The following PARD6B variants were observed in gnomAD, a reference collection of about 807,000 sequenced individuals.
PARD6B encodes the protein partitioning defective 6 homolog beta.
In PARD6B, 4 loss-of-function variants were observed where a neutral mutation model predicts 10.5. That is an observed-to-expected ratio of 0.38 (90% CI 0.19 to 0.87). The LOEUF (loss-of-function observed/expected upper bound fraction) is 0.87. Among genes scored for constraint, PARD6B ranks in the 40% least tolerant of loss-of-function variants. The pLI, the probability that PARD6B is intolerant of heterozygous loss-of-function variation, is 0.41. For missense variants in PARD6B, 396 were observed against 470.6 expected (o/e 0.84, Z 1.47); for synonymous variants, 169 against 170.4 (o/e 0.99, Z 0.07).
At position 50,752,267 on chromosome 20, in the gene PARD6B, G is replaced by T; in HGVS notation, c.*1779G>T. On this transcript the variant is annotated 3_prime_UTR_variant, in exon 3 of 3. Transcript: ENST00000371610. Reference sequence around the variant, plus strand: ...ATGCATCCAAGTATGCATCATTTTGGATAAAAAATACATCCAAATTAAGAT... The same window carrying T: ...ATGCATCCAAGTATGCATCATTTTGTATAAAAAATACATCCAAATTAAGAT... 1 of 984,566 alleles carries T rather than the reference G, an allele frequency of 1.0e-6. No homozygotes were observed. Among genetic ancestry groups the T allele is most frequent in the Non-Finnish European group, 1.2e-6 (1 of 829,732 alleles). 61.0% of individuals were successfully genotyped at this position (984,566 alleles called of 1,614,324 possible). A position where few individuals can be genotyped will look rare whatever the true frequency, so the allele number is the denominator to read the frequency against.
At chr20:50,738,166 C>G in intron 2 of PARD6B, 87 bp downstream of exon 2, 1 of 896,426 alleles carries the variant, frequency 1.1e-6, no homozygotes, top group Non-Finnish European at 1.6e-6. Flanking sequence ...TTGCCACAAA[C>G]TTAGTGAATA....
chr20:50,749,246 G>A (rs1029202724), intron 2 of PARD6B, among the ~76,000 whole-genome samples: 1 of 151,994 alleles, frequency 6.6e-6, no homozygotes, highest in Non-Finnish European at 1.5e-5. Flanking sequence ...GGGAGGGTGA[G>A]GCAGGAGAAT....
chr20:50,751,289 T>G lies in PARD6B; in HGVS notation c.*801T>G. 1.0e-6 allele frequency: 1 copy of G among 966,232 alleles called. No homozygotes were observed. The highest frequency in any genetic ancestry group is 1.2e-6 in the Non-Finnish European group (1 of 813,000). The allele number at this position is 966,232 out of a possible 1,614,324, so 59.9% of individuals were successfully genotyped here. A position where few individuals can be genotyped will look rare whatever the true frequency, so the allele number is the denominator to read the frequency against. On this transcript the variant is annotated 3_prime_UTR_variant, in exon 3 of 3. Transcript: ENST00000371610. Reference sequence around the variant, plus strand: ...TTGATTTTTGTTTTTTTATGTTCCTTTCTAATAAATTGTAACAAATGATGT... The same window carrying G: ...TTGATTTTTGTTTTTTTATGTTCCTGTCTAATAAATTGTAACAAATGATGT...
At chr20:50,741,219 G>T (rs555955240) in intron 2 of PARD6B, among the ~76,000 whole-genome samples, 1 of 151,838 alleles carries the variant, frequency 6.6e-6, no homozygotes. Flanking sequence ...TCTTGGCCTC[G>T]AAGTGTTCTG....
intron 1 of PARD6B, among the ~76,000 whole-genome samples, chr20:50,734,401 C>A (rs114206950): frequency 0.021 from 3,217 of 152,040 alleles, 114 homozygotes; most frequent in African/African-American, 0.073. Context: ...GGCTGGAGTA[C>A]AATGGCACGA....
At chr20:50,743,802 T>C (rs945853852) in intron 2 of PARD6B, among the ~76,000 whole-genome samples, 2 of 147,424 alleles carry the variant, frequency 1.4e-5, no homozygotes, top group African/African-American at 2.5e-5. Flanking sequence ...GGCAGGAGAA[T>C]GGCATGAACC....
At chr20:50,743,963 G>A (rs2087546453) in intron 2 of PARD6B, among the ~76,000 whole-genome samples, 1 of 151,766 alleles carries the variant, frequency 6.6e-6, no homozygotes, top group Non-Finnish European at 1.5e-5. Context: ...AGAAACGTGG[G>A]TGTCACCTTT....
rs1792225339 is a variant in PARD6B at position 50,751,838 on chromosome 20, A to T, written c.*1350A>T. The T allele has an allele frequency of 1.1e-6, 1 of 889,822 alleles. No individual in the cohort carries two copies. Among genetic ancestry groups the T allele is most frequent in the Non-Finnish European group, 1.3e-6 (1 of 744,508 alleles). 55.1% of individuals were successfully genotyped at this position (889,822 alleles called of 1,614,324 possible). ...TGCCTCAGCCTTCTGAGTAGCTAAG[A>T]TTACAGGTGTGCGCCAACACGTCTG... On this transcript the variant is annotated 3_prime_UTR_variant, in exon 3 of 3. Coordinates refer to ENST00000371610, the MANE Select transcript of PARD6B (RefSeq NM_032521.3).
chr20:50,753,066 TAC>T lies in PARD6B; in HGVS notation c.*2579_*2580del. On this transcript the variant is annotated 3_prime_UTR_variant, in exon 3 of 3. Coordinates refer to ENST00000371610, the MANE Select transcript of PARD6B (RefSeq NM_032521.3). ...TTTAAGTAAAAATATTTTTACACAC[TAC>T]CTCTCTCTTTTTTTTTTTAAAGTTT... 4.7e-6 allele frequency: 4 copies of T among 854,392 alleles called. No individual in the cohort carries two copies. Among genetic ancestry groups the T allele is most frequent in the Non-Finnish European group, 5.3e-6 (4 of 750,742 alleles). The allele number at this position is 854,392 out of a possible 1,614,324, so 52.9% of individuals were successfully genotyped here. A position where few individuals can be genotyped will look rare whatever the true frequency, so the allele number is the denominator to read the frequency against.
rs2087626835 is a variant in PARD6B at position 50,753,513 on chromosome 20, C to G, written c.*3025C>G. 1.1e-6 allele frequency: 1 copy of G among 945,970 alleles called. No individual in the cohort carries two copies. Among genetic ancestry groups the G allele is most frequent in the Non-Finnish European group, 1.3e-6 (1 of 793,818 alleles). 58.6% of individuals were successfully genotyped at this position (945,970 alleles called of 1,614,324 possible). On this transcript the variant is annotated 3_prime_UTR_variant, in exon 3 of 3. Coordinates refer to ENST00000371610, the MANE Select transcript of PARD6B (RefSeq NM_032521.3). ...TATGATAATGTTCTCGAGCTATCAA[C>G]AAAATATATGTACTTTTGTGAGCTA...
At chr20:50,745,497 G>T (rs1287005815) in intron 2 of PARD6B, among the ~76,000 whole-genome samples, 1 of 151,914 alleles carries the variant, frequency 6.6e-6, no homozygotes, top group Admixed American at 6.6e-5. Context: ...CCTGTTGGCT[G>T]CTTTTGCATA....
Position 50,750,230 on chromosome 20 carries a change from G to C in PARD6B, c.861G>C (p.Glu287Asp), listed in dbSNP as rs1469911021. The C allele has an allele frequency of 6.2e-7, 1 of 1,614,198 alleles. No homozygotes were observed. Among genetic ancestry groups the C allele is most frequent in the Non-Finnish European group, 8.5e-7 (1 of 1,180,024 alleles). The change falls in exon 3 of 3, where the codon GAG becomes GAC. Residue 287 changes from glutamate to aspartate, a missense_variant. Physicochemically the swap from Glu to Asp is conservative, Grantham distance 45. Around this residue, in one of 2 missense-constraint regions of PARD6B, gnomAD observed 188 missense variants for 169.7 expected, o/e 1.11. Coordinates refer to ENST00000371610, the MANE Select transcript of PARD6B (RefSeq NM_032521.3). ...AGATTGAACCAAGCTTTGAGCCAGA[G>C]GATGAAGACAGCGAAGAAGATGACA... The part of the protein sequence containing the change: ...PQQIEPSFEP[E>D]DEDSEEDDII...
At chr20:50,736,910 G>A (rs1231030015) in intron 1 of PARD6B, among the ~76,000 whole-genome samples, 1 of 152,126 alleles carries the variant, frequency 6.6e-6, no homozygotes, top group Non-Finnish European at 1.5e-5. Context: ...ATGTTGGCTA[G>A]GCTGGTTTTG....
At chr20:50,738,908 A>G (rs1164391440) in intron 2 of PARD6B, among the ~76,000 whole-genome samples, 1 of 151,350 alleles carries the variant, frequency 6.6e-6, no homozygotes, top group East Asian at 1.9e-4. Context: ...GGCATGAGCC[A>G]CCATGCTCAG....
At chr20:50,743,306 G>A (rs1288783688) in intron 2 of PARD6B, among the ~76,000 whole-genome samples, 1 of 152,104 alleles carries the variant, frequency 6.6e-6, no homozygotes, top group African/African-American at 2.4e-5. Context: ...GTCTGTTTTT[G>A]ATTGACACCA....
chr20:50,732,077 A>G (rs1038214774), intron 1 of PARD6B, among the ~76,000 whole-genome samples: 1 of 152,260 alleles, frequency 6.6e-6, no homozygotes, highest in Non-Finnish European at 1.5e-5. Context: ...GACCTAGTCC[A>G]GCATTTAATC....
chr20:50,735,386 AAC>A (rs2087494501), intron 1 of PARD6B, among the ~76,000 whole-genome samples: 1 of 152,192 alleles, frequency 6.6e-6, no homozygotes, highest in Admixed American at 6.5e-5. Context: ...ATAACCCTGG[AAC>A]AGTCTTTGAG....
At chr20:50,740,221 A>G (rs1393276419) in intron 2 of PARD6B, among the ~76,000 whole-genome samples, 1 of 152,250 alleles carries the variant, frequency 6.6e-6, no homozygotes, top group East Asian at 1.9e-4. Flanking sequence ...GATGAAGACC[A>G]TGGATAGAAC....
chr20:50,731,909 A>G, intron 1 of PARD6B, 57 bp downstream of exon 1: 1 of 1,313,876 alleles, frequency 7.6e-7, no homozygotes, highest in Non-Finnish European at 9.7e-7. Flanking sequence ...GGCCTGGGAG[A>G]GGCCGGGCCA....
Sources: allele counts gnomAD v4.1 joint callset (sites outside exome capture counted in the v4.1 genomes callset), GRCh38; gene constraint gnomAD v4.1.1; regional missense constraint gnomAD v4.1.1; transcripts MANE v1.5; gene names NCBI Gene and HGNC (gene_info 2026-07-23, HGNC 2026-07-21).